The following MBTPS1 variants were observed in gnomAD, a reference collection of about 807,000 sequenced individuals.
MBTPS1 encodes membrane bound transcription factor peptidase, site 1.
A neutral mutation model predicts 127.8 loss-of-function variants in MBTPS1; 94 were observed. The ratio of observed to expected loss-of-function variants is 0.74; its 90% CI spans 0.62 to 0.87. The LOEUF (loss-of-function observed/expected upper bound fraction) is 0.87. Among genes scored for constraint, MBTPS1 ranks in the 40% least tolerant of loss-of-function variants. The probability of loss-of-function intolerance (pLI) is 0.00; values close to 1 mark genes in which losing one functional copy is unlikely to be tolerated. For missense variants in MBTPS1, 1,636 were observed against 1,353.2 expected (o/e 1.21, Z -3.28); for synonymous variants, 632 against 509.4 (o/e 1.24, Z -3.24).
At chr16:84,112,674 A>AG in intron 1 of MBTPS1, among the ~76,000 whole-genome samples, 1 of 150,378 alleles carries the variant, frequency 6.6e-6, no homozygotes, top group East Asian at 2.0e-4. Flanking sequence ...AAAAAACAAA[A>AG]AAAAACAAAA....
At chr16:84,058,130 G>C (rs1417869393) in intron 21 of MBTPS1, 4 of 152,244 alleles carry the variant, frequency 2.6e-5, no homozygotes, top group Non-Finnish European at 1.5e-5. Context: ...CAGTGATTAA[G>C]GTTCAGGAAG....
Position 84,081,914 on chromosome 16 carries a change from G to A in MBTPS1, c.1287-6C>T, listed in dbSNP as rs370988066. ...GCTCACGCTTCTGGACTGTGCTGGA[G>A]GAAAAATCAAGAATTGCCTATTTTC... is the stretch of plus-strand genomic sequence containing the variant. On this transcript the variant is annotated splice_region_variant and splice_polypyrimidine_tract_variant and intron_variant, in intron 10 of 22. Transcript: ENST00000343411. 75 of 1,382,044 alleles carry A rather than the reference G, an allele frequency of 5.4e-5. No individual in the cohort carries two copies. The highest frequency in any genetic ancestry group is 7.0e-5 in the Non-Finnish European group (74 of 1,056,516). 85.6% of individuals were successfully genotyped at this position (1,382,044 alleles called of 1,614,324 possible).
At position 84,066,599 on chromosome 16, in the gene MBTPS1, G is replaced by A. The variant is rs761036313; in HGVS notation, c.2243C>T (p.Pro748Leu). Residue 748 changes from proline (P) to leucine (L), a missense_variant, in exon 17 of 23, where the codon CCG becomes CTG. Transcript: ENST00000343411. The stretch of plus-strand genomic sequence containing the variant: ...TGGGATGTTAGCTCCTCCGGTATCC[G>A]GCATCCACCACTGCCTGGGAAAGTG... ...YDENTRQWWM[P>L]DTGGANIPAL... is the part of the protein sequence containing the mutation. 2.5e-6 allele frequency: 4 copies of A among 1,613,948 alleles called. No individual in the cohort carries two copies. Among genetic ancestry groups the A allele is most frequent in the East Asian group, 2.2e-5 (1 of 44,876 alleles).
intron 11 of MBTPS1, among the ~76,000 whole-genome samples, chr16:84,076,948 G>A (rs111673135): frequency 4.6e-5 from 7 of 152,166 alleles, no homozygotes; most frequent in Admixed American, 6.5e-5. Flanking sequence ...AAGAAGGGCC[G>A]GGTGAAGTGA....
intron 1 of MBTPS1, among the ~76,000 whole-genome samples, chr16:84,112,974 C>CAAAAAAA (rs71382895): frequency 3.5e-5 from 2 of 56,854 alleles, no homozygotes; most frequent in African/African-American, 6.4e-5. Flanking sequence ...GATGCCATCT[C>CAAAAAAA]AAAAAAAAAA....
In MBTPS1 at chr16:84,069,997, G is replaced by A. The variant is rs905872232; in HGVS notation, c.1824C>T (p.Pro608=). The change falls in exon 14 of 23, where the codon CCC becomes CCT. Residue 608 remains proline (P), a synonymous_variant. Coordinates refer to ENST00000343411, the MANE Select transcript of MBTPS1 (RefSeq NM_003791.4). Reference sequence around the variant, plus strand: ...GAGTAGGAATTATCTTCACCTTAATGGGGAGCTTTACTGTTGAAGTCTGTT... The same window carrying A: ...GAGTAGGAATTATCTTCACCTTAATAGGGAGCTTTACTGTTGAAGTCTGTT... ...GAEQTSTVKL[P]IKVKIIPTPP... is the part of the protein sequence containing the mutation. 6.2e-7 allele frequency: 1 copy of A among 1,613,868 alleles called. No homozygotes were observed. The highest frequency in any genetic ancestry group is 1.7e-5 in the Admixed American group (1 of 59,966).
intron 1 of MBTPS1, among the ~76,000 whole-genome samples, chr16:84,111,931 T>C (rs1281419367): frequency 1.3e-5 from 2 of 148,446 alleles, no homozygotes; most frequent in African/African-American, 4.9e-5. Context: ...CTGGGTGCGG[T>C]GGCTCATTCC....
intron 12 of MBTPS1, among the ~76,000 whole-genome samples, chr16:84,073,867 G>A (rs1026856631): frequency 2.0e-5 from 3 of 152,150 alleles, no homozygotes; most frequent in East Asian, 1.9e-4. Context: ...TTAGCCAGAC[G>A]TGGTGGCAGG....
At chr16:84,074,542 G>A in intron 12 of MBTPS1, 55 bp downstream of exon 12, 1 of 1,574,906 alleles carries the variant, frequency 6.3e-7, no homozygotes, top group Non-Finnish European at 8.7e-7. Flanking sequence ...CTAAAGGTCT[G>A]GGCTGTGTCT....
chr16:84,093,187 C>T lies in MBTPS1; in HGVS notation c.846+1G>A, dbSNP rs760091079. ...GTTTCAGGAGTCCTCAAAACACCTA[C>T]CTGATTATTGGTAAAGACCCTGAAA... On this transcript the variant is annotated splice_donor_variant, in intron 6 of 22. Transcript: ENST00000343411. LOFTEE classifies it high-confidence loss of function. 27 of 1,600,812 alleles carry T rather than the reference C, an allele frequency of 1.7e-5. No individual in the cohort carries two copies. Among genetic ancestry groups the T allele is most frequent in the Non-Finnish European group, 2.2e-5 (26 of 1,167,970 alleles).
In MBTPS1 at chr16:84,091,744, C is replaced by G. The variant is rs532832756; in HGVS notation, c.951G>C (p.Pro317=). ...SIGGPDFMDH[P]FVDKVWELTA... The stretch of plus-strand genomic sequence containing the variant: ...TGACTCCACAAACCTTGTCAACAAA[C>G]GGATGATCCATGAAGTCCGGGCCGC... The change falls in exon 7 of 23, where the codon CCG becomes CCC. Residue 317 remains proline (P), a synonymous_variant. Transcript: ENST00000343411. 6.2e-7 allele frequency: 1 copy of G among 1,612,908 alleles called. No homozygotes were observed. Among genetic ancestry groups the G allele is most frequent in the Non-Finnish European group, 8.5e-7 (1 of 1,179,078 alleles).
intron 19 of MBTPS1, among the ~76,000 whole-genome samples, chr16:84,062,834 A>C (rs1160491551): frequency 6.6e-6 from 1 of 152,236 alleles, no homozygotes; most frequent in Non-Finnish European, 1.5e-5. Flanking sequence ...CTCTTCACTG[A>C]TAAAGGCTAA....
chr16:84,097,333 G>A (rs2086190715), intron 3 of MBTPS1, among the ~76,000 whole-genome samples: 1 of 152,220 alleles, frequency 6.6e-6, no homozygotes, highest in Non-Finnish European at 1.5e-5. Flanking sequence ...ATTATTTCAT[G>A]TTATCTTCAT....
intron 1 of MBTPS1, among the ~76,000 whole-genome samples, chr16:84,115,332 T>C (rs927920602): frequency 4.6e-5 from 7 of 152,194 alleles, no homozygotes; most frequent in Non-Finnish European, 8.8e-5. Context: ...CCTTTTTATA[T>C]AGAAAGGACC....
rs757202498 is a variant in MBTPS1, at chr16:84,093,718, C to T, written c.729G>A (p.Leu243=). The T allele has an allele frequency of 1.9e-6, 3 of 1,612,408 alleles. No individual in the cohort carries two copies. In the Admixed American group the frequency reaches 5.0e-5, roughly 27 times the overall value. ...ACTGCTGCTGAGACCCACCATCGTC[C>T]AGCGTTCGCTCGTTGGTCCAGTTGG... ...ERTNWTNERT[L]DDGLGHGTFV... The change falls in exon 5 of 23, where the codon CTG becomes CTA. Residue 243 remains leucine (L), a synonymous_variant. Coordinates refer to ENST00000343411, the MANE Select transcript of MBTPS1 (RefSeq NM_003791.4).
At chr16:84,102,944 C>G (rs1467966843) in intron 1 of MBTPS1, among the ~76,000 whole-genome samples, 1 of 152,100 alleles carries the variant, frequency 6.6e-6, no homozygotes, top group Non-Finnish European at 1.5e-5. Flanking sequence ...TGTTATAAAA[C>G]CAGATTATCT....
chr16:84,095,759 C>A lies in MBTPS1; in HGVS notation c.468G>T (p.Trp156Cys). ...CTCTTCGCAGGGGACGTGATGATTG[C>A]CACTTCTGGCTCCACCGGGTTTCAT... Reference protein sequence around the residue: ...PCNETRWSQKWQSSRPLRRAS... With the variant: ...PCNETRWSQKCQSSRPLRRAS... The change falls in exon 4 of 23, where the codon TGG (tryptophan) becomes TGT (cysteine). Residue 156 changes from tryptophan (W) to cysteine (C), a missense_variant. By Grantham distance (215) the Trp-to-Cys change is radical (BLOSUM62 -2). Coordinates refer to ENST00000343411, the MANE Select transcript of MBTPS1 (RefSeq NM_003791.4). 1 of 1,614,076 alleles carries A rather than the reference C, an allele frequency of 6.2e-7. No individual in the cohort carries two copies. The highest frequency in any genetic ancestry group is 2.2e-5 in the East Asian group (1 of 44,882).
chr16:84,067,640 C>T (rs1235096861), intron 16 of MBTPS1, 27 bp downstream of exon 16: 5 of 1,185,870 alleles, frequency 4.2e-6, no homozygotes, highest in Non-Finnish European at 6.0e-6. Context: ...AAAGTCTTAT[C>T]CAAATACCAA....
chr16:84,076,418 A>G (rs919900977), intron 11 of MBTPS1, among the ~76,000 whole-genome samples: 2 of 152,238 alleles, frequency 1.3e-5, no homozygotes, highest in Admixed American at 6.5e-5. Flanking sequence ...CTGCTGTTCA[A>G]CACTGTGCTA....
Sources: gnomAD v4.1 joint callset for allele counts (sites outside exome capture counted in the v4.1 genomes callset) on GRCh38, gnomAD v4.1.1 for gene constraint, MANE v1.5 for transcripts, NCBI Gene and HGNC (gene_info 2026-07-23, HGNC 2026-07-21) for gene names.